Variants in STK32C observed in about 807,000 individuals in gnomAD.
STK32C encodes serine/threonine kinase 32C.
Under a neutral mutation model 56.5 loss-of-function variants are expected in STK32C, and 31 were observed. That is an observed-to-expected ratio of 0.55 (90% confidence interval 0.41 to 0.74). The LOEUF (loss-of-function observed/expected upper bound fraction) is 0.74. Among genes scored for constraint, STK32C ranks in the 30% least tolerant of loss-of-function variants. The pLI is 0.00. For missense variants in STK32C, 544 were observed against 676.9 expected, an observed-to-expected ratio of 0.80 and a Z score of 2.18; for synonymous variants, 309 against 289.4, an observed-to-expected ratio of 1.07 and a Z score of -0.69.
intron 1 of STK32C, among the ~76,000 whole-genome samples, chr10:132,291,771 C>T (rs1340480728): frequency 6.9e-6 from 1 of 145,748 alleles, no homozygotes; most frequent in Non-Finnish European, 1.5e-5. Flanking sequence ...TAGCTCTGAC[C>T]TGCCTGCCGT....
chr10:132,309,210 G>C (rs576621222), upstream of STK32C, among the ~76,000 whole-genome samples: 3 of 152,168 alleles, frequency 2.0e-5, no homozygotes, highest in Non-Finnish European at 4.4e-5. Flanking sequence ...GTGGCCGCCC[G>C]CCCTAACCGC....
chr10:132,209,721 G>T (rs751374894), intron 10 of STK32C, among the ~76,000 whole-genome samples: 3 of 152,212 alleles, frequency 2.0e-5, no homozygotes, highest in Non-Finnish European at 4.4e-5. Flanking sequence ...GCGCTGGCAT[G>T]GTGTGGGGAA....
At chr10:132,321,761 G>A (rs887028084), downstream of STK32C, among the ~76,000 whole-genome samples, 2 of 152,158 alleles carry the variant, frequency 1.3e-5, no homozygotes, top group African/African-American at 4.8e-5. Context: ...GGAGGCGGAG[G>A]GTTGGTCATT....
intron 7 of STK32C, 116 bp from the exon 8 acceptor site, chr10:132,224,639 G>A: frequency 4.0e-6 from 3 of 753,428 alleles, no homozygotes; most frequent in Non-Finnish European, 6.8e-6. Context: ...CCCAAGTGCA[G>A]GCACAGCTCT....
At chr10:132,324,424 A>T (rs1223557100) in intron 1 of STK32C, 1 of 735,066 alleles carries the variant, frequency 1.4e-6, no homozygotes, top group Non-Finnish European at 2.5e-6. Context: ...AACTCTTTTC[A>T]AGGAAGAGCA....
At chr10:132,223,207 G>C (rs1439534031) in intron 8 of STK32C, among the ~76,000 whole-genome samples, 1 of 152,232 alleles carries the variant, frequency 6.6e-6, no homozygotes, top group Non-Finnish European at 1.5e-5. Flanking sequence ...CCTGTTCTCA[G>C]TGCTGCTACC....
chr10:132,284,563 G>A (rs889894598), intron 1 of STK32C, among the ~76,000 whole-genome samples: 2 of 152,148 alleles, frequency 1.3e-5, no homozygotes, highest in Non-Finnish European at 2.9e-5. Flanking sequence ...GACTGCATGG[G>A]CCTTTCCCCT....
chr10:132,303,494 G>C (rs2065971244), intron 1 of STK32C, among the ~76,000 whole-genome samples: 2 of 152,318 alleles, frequency 1.3e-5, no homozygotes, highest in South Asian at 4.1e-4. Context: ...AACATTAAAA[G>C]ATAAATGAGG....
chr10:132,230,015 T>G (rs187251653), intron 2 of STK32C, among the ~76,000 whole-genome samples: 1 of 152,118 alleles, frequency 6.6e-6, no homozygotes, highest in Non-Finnish European at 1.5e-5. Flanking sequence ...GAGCCTTGTG[T>G]TGGGGGCTGC....
rs756327416 is a variant in STK32C at position 132,225,540 on chromosome 10, G to A, written c.759C>T (p.Thr253=). 15 of 1,613,864 alleles carry A rather than the reference G, an allele frequency of 9.3e-6. No homozygotes were observed. The highest frequency in any genetic ancestry group is 1.3e-5 in the African/African-American group (1 of 75,076). The part of the protein sequence containing the change: ...DGERATALAG[T]KPYMAPEIFH... ...GCTCGGGCTCACCCATGTACGGCTT[G>A]GTGCCTGCTAATGCCGTCGCCCGCT... The change falls in exon 6 of 12, where the codon ACC becomes ACT. Residue 253 remains threonine, a synonymous_variant. Transcript: ENST00000298630.
At chr10:132,244,560 C>A (rs145038766) in intron 2 of STK32C, among the ~76,000 whole-genome samples, 1 of 152,342 alleles carries the variant, frequency 6.6e-6, no homozygotes, top group East Asian at 1.9e-4. Context: ...GTCTCTGCCC[C>A]TCAGATGCCC....
chr10:132,231,625 C>T (rs898514870), intron 2 of STK32C, among the ~76,000 whole-genome samples: 3 of 152,194 alleles, frequency 2.0e-5, no homozygotes, highest in Non-Finnish European at 4.4e-5. Flanking sequence ...TGGCCTTATT[C>T]GGAATAAAGG....
In STK32C at chr10:132,224,496, C is replaced by T. The variant is rs185020377; in HGVS notation, c.904G>A (p.Ala302Thr). 371 of 1,589,898 alleles carry T rather than the reference C, an allele frequency of 2.3e-4. 2 individuals are homozygous for T. The East Asian group carries it at 6.9e-3, about 30-fold the overall frequency. Reference sequence around the variant, plus strand: ...AACAGCTGCACCAGGGACTCCACGGCGTTGCTGGAGTGGATGTCATAGGGC... The same window carrying T: ...AACAGCTGCACCAGGGACTCCACGGTGTTGCTGGAGTGGATGTCATAGGGC... ...WRPYDIHSSN[A>T]VESLVQLFST... The change falls in exon 8 of 12, where the codon GCC (alanine) becomes ACC (threonine). Residue 302 changes from alanine to threonine, a missense_variant. Ala to Thr is a moderately conservative substitution (Grantham distance 58). Transcript: ENST00000298630.
At chr10:132,318,879 AC>A (rs2066354360) in intron 1 of STK32C, among the ~76,000 whole-genome samples, 1 of 149,884 alleles carries the variant, frequency 6.7e-6, no homozygotes, top group Admixed American at 6.6e-5. Flanking sequence ...AAAAAAAAAA[AC>A]AGACAATACC....
intron 10 of STK32C, among the ~76,000 whole-genome samples, chr10:132,221,833 G>A (rs1404485943): frequency 7.1e-5 from 8 of 113,052 alleles, no homozygotes; most frequent in African/African-American, 1.4e-4. Context: ...TGACATCAAC[G>A]CACCTGGGTG....
At chr10:132,280,862 C>T (rs1048611637) in intron 1 of STK32C, among the ~76,000 whole-genome samples, 6 of 149,986 alleles carry the variant, frequency 4.0e-5, no homozygotes, top group Non-Finnish European at 8.9e-5. Flanking sequence ...CTGAGGCCTC[C>T]ATGCCGTGAC....
intron 2 of STK32C, among the ~76,000 whole-genome samples, chr10:132,243,680 G>A (rs2063585628): frequency 6.6e-6 from 1 of 152,212 alleles, no homozygotes; most frequent in Non-Finnish European, 1.5e-5. Flanking sequence ...AAAAACAAAA[G>A]CCAAGGGCCA....
intron 1 of STK32C, among the ~76,000 whole-genome samples, chr10:132,292,002 G>A (rs1173725939): frequency 1.3e-5 from 2 of 152,208 alleles, no homozygotes; most frequent in Non-Finnish European, 2.9e-5. Flanking sequence ...ACTTCCCACC[G>A]TTGCACTGAC....
At chr10:132,261,680 G>C (rs1195655318) in intron 1 of STK32C, among the ~76,000 whole-genome samples, 5 of 152,148 alleles carry the variant, frequency 3.3e-5, no homozygotes, top group Non-Finnish European at 7.4e-5. Context: ...CACAAGAATT[G>C]CTTGAGCCCG....
Sources: gnomAD v4.1 joint callset for allele counts (sites outside exome capture counted in the v4.1 genomes callset) on GRCh38, gnomAD v4.1.1 for gene constraint, MANE v1.5 for transcripts, NCBI Gene and HGNC (gene_info 2026-07-23, HGNC 2026-07-21) for gene names.